NSA2: variants seen among roughly 807,000 people sequenced by gnomAD.
The protein encoded by NSA2 is NSA2 ribosome biogenesis factor.
A neutral mutation model predicts 34.8 loss-of-function variants in NSA2; 18 were observed. That is an observed-to-expected ratio of 0.52 (90% CI 0.36 to 0.77). The LOEUF (loss-of-function observed/expected upper bound fraction) is 0.77, where lower values mean the gene tolerates loss of function less well. NSA2 is among the 30% of genes least tolerant of loss of function. The pLI, the probability that NSA2 is intolerant of heterozygous loss-of-function variation, is 0.00. For missense variants in NSA2, 188 were observed against 314.7 expected, an observed-to-expected ratio of 0.60 and a Z score of 3.05; for synonymous variants, 79 against 100.2, an observed-to-expected ratio of 0.79 and a Z score of 1.26.
chr5:74,772,549 G>C (rs894609849), intron 4 of NSA2, among the ~76,000 whole-genome samples: 1 of 152,150 alleles, frequency 6.6e-6, no homozygotes, highest in Non-Finnish European at 1.5e-5. Flanking sequence ...TTGAGCAGTT[G>C]CAACAGAGGC....
In NSA2 at chr5:74,767,425, T is replaced by C. The variant is rs116165962; in HGVS notation, c.3+62T>C. On this transcript the variant is annotated intron_variant, in intron 1 of 5. Transcript: ENST00000610426. ...GTCTGAGTTAGTGGGACCTGAGGAC[T>C]CTGGGGCGCTGGGGTAGGGGGTGAG... is the stretch of plus-strand genomic sequence containing the variant. The C allele has an allele frequency of 0.12, 195,996 of 1,598,790 alleles. 12,877 individuals are homozygous for C. Among genetic ancestry groups the C allele is most frequent in the Middle Eastern group, 0.21 (1,250 of 6,024 alleles).
chr5:74,768,933 A>G lies in NSA2; in HGVS notation c.6A>G (p.Pro2=), dbSNP rs753387413. 1.0e-5 allele frequency: 16 copies of G among 1,566,178 alleles called. No individual in the cohort carries two copies. Among genetic ancestry groups the G allele is most frequent in the Middle Eastern group, 3.4e-4 (2 of 5,810 alleles). ...TAATATTTCTTCCATCATTATAGCCACAGAATGAATATATTGAATTACACC... is the reference window on the plus strand; with the variant it reads ...TAATATTTCTTCCATCATTATAGCCGCAGAATGAATATATTGAATTACACC... M[P]QNEYIELHRK... is the part of the protein sequence containing the mutation. Residue 2 remains proline, a splice_region_variant and synonymous_variant, in exon 2 of 6, where the codon CCA becomes CCG. Transcript: ENST00000610426.
intron 3 of NSA2, among the ~76,000 whole-genome samples, 162 bp from the exon 4 acceptor site, chr5:74,770,469 C>T (rs1220249220): frequency 6.6e-6 from 1 of 151,942 alleles, no homozygotes; most frequent in Non-Finnish European, 1.5e-5. Flanking sequence ...TAATTTGCAG[C>T]TTATGAGACA....
At chr5:74,774,597 C>CCAT (rs1317555486) in intron 5 of NSA2, among the ~76,000 whole-genome samples, 5 of 151,796 alleles carry the variant, frequency 3.3e-5, no homozygotes, top group Non-Finnish European at 4.4e-5. Flanking sequence ...GAGCAAATCT[C>CCAT]CATCTCAAAA....
At chr5:74,773,324 A>G (rs984338126) in intron 4 of NSA2, among the ~76,000 whole-genome samples, 1 of 150,600 alleles carries the variant, frequency 6.6e-6, no homozygotes, top group African/African-American at 2.5e-5. Flanking sequence ...CTAGGTAGCT[A>G]TTACAGGGTG....
chr5:74,772,383 T>G (rs559909457), intron 4 of NSA2, among the ~76,000 whole-genome samples: 1 of 152,106 alleles, frequency 6.6e-6, no homozygotes, highest in Non-Finnish European at 1.5e-5. Flanking sequence ...CCTCCCAAAG[T>G]GTTGGAATTA....
At chr5:74,770,492 A>G (rs144208435) in intron 3 of NSA2, 139 bp from the exon 4 acceptor site, 11 of 612,658 alleles carry the variant, frequency 1.8e-5, no homozygotes, top group African/African-American at 1.3e-4. Flanking sequence ...ACAGACCTCT[A>G]GAAGACGGTT....
rs1580061041 is a variant in NSA2, at chr5:74,776,885, C to CAAAT, written c.*216_*219dup. On this transcript the variant is annotated 3_prime_UTR_variant, in exon 6 of 6. Coordinates refer to ENST00000610426, the MANE Select transcript of NSA2 (RefSeq NM_014886.6). ...ATAAAACTGAATGATTGAAAAAAAG[C>CAAAT]AAATATACAAATATCCTACTTCATC... The CAAAT allele has an allele frequency of 5.3e-6, 2 of 378,038 alleles. No homozygotes were observed. The highest frequency in any genetic ancestry group is 9.6e-6 in the Non-Finnish European group (2 of 208,294). The allele number at this position is 378,038 out of a possible 1,614,324, so 23.4% of individuals were successfully genotyped here.
At chr5:74,772,209 C>T (rs1373156984) in intron 4 of NSA2, among the ~76,000 whole-genome samples, 1 of 151,060 alleles carries the variant, frequency 6.6e-6, no homozygotes, top group African/African-American at 2.4e-5. Context: ...ACTGCAAGCT[C>T]CGCCTCCCGG....
At position 74,776,837 on chromosome 5, in the gene NSA2, A is replaced by AAAT. The variant is rs752753746; in HGVS notation, c.*168_*170dup. The AAAT allele has an allele frequency of 4.3e-4, 204 of 478,448 alleles. 2 individuals are homozygous for AAAT. The East Asian group carries it at 5.4e-3, about 13-fold the overall frequency. 29.6% of individuals were successfully genotyped at this position (478,448 alleles called of 1,614,324 possible). A position where few individuals can be genotyped will look rare whatever the true frequency, so the allele number is the denominator to read the frequency against. On this transcript the variant is annotated 3_prime_UTR_variant, in exon 6 of 6. Transcript: ENST00000610426. Reference sequence around the variant, plus strand: ...AGTTTTATAAATGGTCTTTATTTTGAAATACGCTTTGACCCCATGTTCATA... The same window carrying AAAT: ...AGTTTTATAAATGGTCTTTATTTTGAAATAATACGCTTTGACCCCATGTTCATA...
intron 5 of NSA2, 119 bp downstream of exon 5, chr5:74,774,179 CTG>C (rs1420532555): frequency 2.6e-5 from 15 of 576,120 alleles, no homozygotes; most frequent in Middle Eastern, 2.8e-4. Flanking sequence ...AGCTAAAACA[CTG>C]TAAATCAGAT....
Position 74,773,965 on chromosome 5 carries a change from T to C in NSA2, c.620T>C (p.Leu207Pro). 11 of 1,613,916 alleles carry C rather than the reference T, an allele frequency of 6.8e-6. No homozygotes were observed. Among genetic ancestry groups the C allele is most frequent in the Non-Finnish European group, 9.3e-6 (11 of 1,179,804 alleles). The change falls in exon 5 of 6, where the codon CTG becomes CCG. Residue 207 changes from leucine to proline, a missense_variant. Leu to Pro is a moderately conservative substitution (Grantham distance 98). Transcript: ENST00000610426. Reference protein sequence around the residue: ...LGVKKNPSSPLYTTLGVITKG... With the variant: ...LGVKKNPSSPPYTTLGVITKG... ...GTAAAGAAGAATCCCTCATCCCCAC[T>C]GTATACAACTTTGGGTGTTATTACC...
chr5:74,779,860 C>T lies in NSA2; in HGVS notation c.*3189C>T, dbSNP rs1745324767. On this transcript the variant is annotated 3_prime_UTR_variant, in exon 6 of 6. Transcript: ENST00000610426. ...ACAAAATTTACTGACCTGACATCAG[C>T]TTACTATAGACTGAATACACTTTCA... 1 of 152,182 alleles carries T rather than the reference C, an allele frequency of 6.6e-6. No individual in the cohort carries two copies. The highest frequency in any genetic ancestry group is 1.5e-5 in the Non-Finnish European group (1 of 68,026). 9.4% of individuals were successfully genotyped at this position (152,182 alleles called of 1,614,324 possible). A position where few individuals can be genotyped will look rare whatever the true frequency, so the allele number is the denominator to read the frequency against.
At chr5:74,768,626 G>A (rs1480489066) in intron 1 of NSA2, among the ~76,000 whole-genome samples, 1 of 152,116 alleles carries the variant, frequency 6.6e-6, no homozygotes, top group Non-Finnish European at 1.5e-5. Context: ...GTGAAATGAA[G>A]GTGTTATTAA....
In NSA2 at chr5:74,776,665, G is replaced by A. The variant is rs761816280; in HGVS notation, c.777G>A (p.Leu259=). ...ATGGATGTATAAATGCAGTCTTACT[G>A]GTTTGACAGCAATTTCATATATAAT... ...ENDGCINAVL[L]V Residue 259 remains leucine, a synonymous_variant, in exon 6 of 6, where the codon CTG becomes CTA. Transcript: ENST00000610426. 28 of 1,527,300 alleles carry A rather than the reference G, an allele frequency of 1.8e-5. No individual in the cohort carries two copies. The highest frequency in any genetic ancestry group is 2.4e-5 in the Non-Finnish European group (27 of 1,103,106). 94.6% of individuals were successfully genotyped at this position (1,527,300 alleles called of 1,614,324 possible). A position where few individuals can be genotyped will look rare whatever the true frequency, so the allele number is the denominator to read the frequency against.
At position 74,767,264 on chromosome 5, in the gene NSA2, G is replaced by T. The variant is rs1376807797; in HGVS notation, c.-97G>T. 6.8e-7 allele frequency: 1 copy of T among 1,473,416 alleles called. No individual in the cohort carries two copies. The highest frequency in any genetic ancestry group is 9.5e-7 in the Non-Finnish European group (1 of 1,056,214). 91.3% of individuals were successfully genotyped at this position (1,473,416 alleles called of 1,614,324 possible). ...TTAAAGGGTGACTCTTTCCTGTCCC[G>T]GCCTGCGTGGTGTGGGCTTGTGGGT... On this transcript the variant is annotated 5_prime_UTR_variant, in exon 1 of 6. Coordinates refer to ENST00000610426, the MANE Select transcript of NSA2 (RefSeq NM_014886.6).
chr5:74,773,840 C>T, intron 4 of NSA2, 28 bp from the exon 5 acceptor site: 4 of 1,575,362 alleles, frequency 2.5e-6, no homozygotes, highest in South Asian at 2.3e-5. Context: ...TGGACGTAAA[C>T]ATTCTTATGT....
In NSA2 at chr5:74,768,989, A is replaced by T; in HGVS notation, c.62A>T (p.His21Leu). 1.2e-5 allele frequency: 19 copies of T among 1,609,946 alleles called. No individual in the cohort carries two copies. Among genetic ancestry groups the T allele is most frequent in the Non-Finnish European group, 1.6e-5 (19 of 1,178,838 alleles). Residue 21 changes from histidine to leucine, a missense_variant, in exon 2 of 6, where the codon CAT becomes CTT. Transcript: ENST00000610426. ...RKRYGYRLDYHEKKRKKESRE... is the reference protein window; with the variant it reads ...RKRYGYRLDYLEKKRKKESRE... ...CGCTATGGATACCGTTTGGATTACC[A>T]TGAGAAAAAGAGAAAGAAGGAAAGT... is the stretch of plus-strand genomic sequence containing the variant.
rs1745315977 is a variant in NSA2 at position 74,779,676 on chromosome 5, C to T, written c.*3005C>T. ...GTTGAAAAAATAAATGGCCAAAGTG[C>T]TTTAATTTTCATTTAGAATGAAATA... On this transcript the variant is annotated 3_prime_UTR_variant, in exon 6 of 6. Coordinates refer to ENST00000610426, the MANE Select transcript of NSA2 (RefSeq NM_014886.6). 6.6e-6 allele frequency: 1 copy of T among 151,418 alleles called. No individual in the cohort carries two copies. Among genetic ancestry groups the T allele is most frequent in the Non-Finnish European group, 1.5e-5 (1 of 67,896 alleles). The allele number at this position is 151,418 out of a possible 1,614,324, so 9.4% of individuals were successfully genotyped here.
Sources: allele counts gnomAD v4.1 joint callset (sites outside exome capture counted in the v4.1 genomes callset), GRCh38; gene constraint gnomAD v4.1.1; transcripts MANE v1.5; gene names NCBI Gene and HGNC (gene_info 2026-07-23, HGNC 2026-07-21).